Variants in DPF3 observed in about 807,000 individuals in gnomAD.
DPF3 encodes double PHD fingers 3, also known as zinc finger protein DPF3.
A neutral mutation model predicts 56.8 loss-of-function variants in DPF3; 18 were observed. That is an observed-to-expected ratio of 0.32 (90% confidence interval 0.22 to 0.47). The LOEUF is 0.47. DPF3 is among the 20% of genes least tolerant of loss of function. The pLI is 1.00. For synonymous variants in DPF3, 188 were observed against 180.2 expected (o/e 1.04, Z -0.35); for missense variants, 403 against 488.8 (o/e 0.82, Z 1.65).
chr14:72,816,078 C>T (rs531619486), intron 1 of DPF3, among the ~76,000 whole-genome samples: 122 of 152,298 alleles, frequency 8.0e-4, no homozygotes, highest in African/African-American at 2.8e-3. Flanking sequence ...CATGTTCAAC[C>T]CTAAGGCCTC....
intron 6 of DPF3, among the ~76,000 whole-genome samples, chr14:72,699,869 T>A (rs919196164): frequency 2.0e-5 from 3 of 152,062 alleles, no homozygotes; most frequent in African/African-American, 4.8e-5. Flanking sequence ...AAGAAGAGAA[T>A]CCACAAAGTC....
chr14:72,792,912 G>A (rs989951535), intron 1 of DPF3, among the ~76,000 whole-genome samples: 2 of 136,072 alleles, frequency 1.5e-5, no homozygotes, highest in Admixed American at 7.6e-5. Flanking sequence ...AACTGAGACC[G>A]TTCTTCAAAA....
intron 8 of DPF3, among the ~76,000 whole-genome samples, chr14:72,658,679 T>G (rs538411539): frequency 1.3e-5 from 2 of 152,284 alleles, no homozygotes; most frequent in East Asian, 3.9e-4. Context: ...AATAATGACC[T>G]AGCTCCATCC....
chr14:72,699,483 C>T (rs1394757096), intron 6 of DPF3, among the ~76,000 whole-genome samples: 1 of 144,100 alleles, frequency 6.9e-6, no homozygotes, highest in African/African-American at 2.6e-5. Flanking sequence ...GATTGTGCCA[C>T]TGCACTCCAG....
At chr14:72,681,505 G>A (rs545512940) in intron 7 of DPF3, among the ~76,000 whole-genome samples, 1 of 152,288 alleles carries the variant, frequency 6.6e-6, no homozygotes, top group East Asian at 1.9e-4. Flanking sequence ...GAGAACAGAG[G>A]CCCCATCTTG....
At chr14:72,688,214 GTGGA>G (rs1237171034) in intron 7 of DPF3, among the ~76,000 whole-genome samples, 8 of 126,636 alleles carry the variant, frequency 6.3e-5, no homozygotes, top group East Asian at 2.5e-4. Flanking sequence ...GGGTGTGTGG[GTGGA>G]TGGATGGATG....
chr14:72,802,397 A>G (rs1373198634), intron 1 of DPF3, among the ~76,000 whole-genome samples: 3 of 152,170 alleles, frequency 2.0e-5, no homozygotes, highest in African/African-American at 7.2e-5. Context: ...CCCTTCACAC[A>G]GCTCCTAAGT....
chr14:72,813,966 T>C (rs927106404), intron 1 of DPF3, among the ~76,000 whole-genome samples: 1 of 152,306 alleles, frequency 6.6e-6, no homozygotes, highest in Non-Finnish European at 1.5e-5. Flanking sequence ...CATACTTTAA[T>C]AGAATTCTCT....
intron 7 of DPF3, among the ~76,000 whole-genome samples, chr14:72,686,924 C>T (rs1887436829): frequency 6.6e-6 from 1 of 152,184 alleles, no homozygotes; most frequent in South Asian, 2.1e-4. Flanking sequence ...TCTCTTAAAG[C>T]TTTTGGCCGC....
chr14:72,707,813 T>C (rs1400585565), intron 6 of DPF3, among the ~76,000 whole-genome samples: 4 of 57,594 alleles, frequency 6.9e-5, no homozygotes, highest in African/African-American at 1.8e-4. Context: ...TTTCCTCTAT[T>C]TTTTTTTTTT....
chr14:72,800,173 A>G (rs1892812528), intron 1 of DPF3, among the ~76,000 whole-genome samples: 1 of 152,198 alleles, frequency 6.6e-6, no homozygotes, highest in African/African-American at 2.4e-5. Context: ...TGCTTTTGAA[A>G]TAAGGATGGT....
intron 8 of DPF3, among the ~76,000 whole-genome samples, chr14:72,671,882 C>T (rs1218175723): frequency 6.6e-6 from 1 of 152,162 alleles, no homozygotes; most frequent in African/African-American, 2.4e-5. Flanking sequence ...TTTCAATTCT[C>T]CCCTTACGCC....
chr14:72,859,557 C>G (rs1208371653), intron 1 of DPF3, among the ~76,000 whole-genome samples: 1 of 144,844 alleles, frequency 6.9e-6, no homozygotes, highest in Non-Finnish European at 1.5e-5. Context: ...GGCCATCCCT[C>G]TTCGACCTTA....
intron 1 of DPF3, among the ~76,000 whole-genome samples, chr14:72,881,713 C>G (rs559464063): frequency 2.0e-5 from 3 of 152,098 alleles, no homozygotes; most frequent in Non-Finnish European, 4.4e-5. Flanking sequence ...AAAGCAATCT[C>G]CATGCACTGC....
intron 3 of DPF3, among the ~76,000 whole-genome samples, chr14:72,735,000 G>A (rs894381511): frequency 3.9e-5 from 6 of 152,152 alleles, no homozygotes; most frequent in African/African-American, 9.7e-5. Flanking sequence ...TGAGGGCAGT[G>A]CAGCTTATAG....
chr14:72,824,666 C>T (rs1883710797), intron 1 of DPF3, among the ~76,000 whole-genome samples: 1 of 151,396 alleles, frequency 6.6e-6, no homozygotes, highest in Non-Finnish European at 1.5e-5. Flanking sequence ...CTCCCGGGTT[C>T]AGTTCAAGCC....
At chr14:72,776,452 TGA>T (rs564885150) in intron 1 of DPF3, among the ~76,000 whole-genome samples, 118 of 152,236 alleles carry the variant, frequency 7.8e-4, no homozygotes, top group African/African-American at 2.8e-3. Flanking sequence ...CTCTGAGAGC[TGA>T]GTGTTTCTAC....
chr14:72,844,981 G>A (rs191516013), intron 1 of DPF3, among the ~76,000 whole-genome samples: 16 of 152,282 alleles, frequency 1.1e-4, no homozygotes, highest in African/African-American at 3.4e-4. Context: ...TTAGCCAGGC[G>A]TGGTGGCACC....
chr14:72,876,585 T>C (rs1182944404), intron 1 of DPF3, among the ~76,000 whole-genome samples: 1 of 152,170 alleles, frequency 6.6e-6, no homozygotes, highest in Non-Finnish European at 1.5e-5. Context: ...CTCTCCTCCA[T>C]GCAGTCCTTC....
Sources: allele counts gnomAD v4.1 joint callset (sites outside exome capture counted in the v4.1 genomes callset), GRCh38; gene constraint gnomAD v4.1.1; transcripts MANE v1.5; gene names NCBI Gene and HGNC (gene_info 2026-07-23, HGNC 2026-07-21).